Variants in HMCN1 observed in about 807,000 individuals in gnomAD.
HMCN1 encodes hemicentin-1.
A neutral mutation model predicts 625.9 loss-of-function variants in HMCN1; 321 were observed. The ratio of observed to expected loss-of-function variants is 0.51; its 90% CI spans 0.47 to 0.56. The LOEUF (loss-of-function observed/expected upper bound fraction) is 0.56. Ranked by LOEUF, HMCN1 falls within the 20% of genes least tolerant of loss-of-function variation. The pLI, the probability that HMCN1 is intolerant of heterozygous loss-of-function variation, is 0.00. For missense variants in HMCN1, 6,588 were observed against 6,887.3 expected, an observed-to-expected ratio of 0.96 and a Z score of 1.54; for synonymous variants, 2,425 against 2,417.6, an observed-to-expected ratio of 1.00 and a Z score of -0.09.
At chr1:185,958,248 A>G (rs565564987) in intron 11 of HMCN1, among the ~76,000 whole-genome samples, 2 of 152,102 alleles carry the variant, frequency 1.3e-5, no homozygotes, top group South Asian at 4.2e-4. Context: ...CCAAAGTAGT[A>G]GCTGGGACTA....
At chr1:185,886,178 A>G (rs1383801445) in intron 4 of HMCN1, among the ~76,000 whole-genome samples, 1 of 151,900 alleles carries the variant, frequency 6.6e-6, no homozygotes, top group Non-Finnish European at 1.5e-5. Flanking sequence ...CAGAGCTTCA[A>G]ATACTTATAG....
chr1:185,857,440 A>G (rs1384068844), intron 2 of HMCN1, among the ~76,000 whole-genome samples: 1 of 151,790 alleles, frequency 6.6e-6, no homozygotes, highest in East Asian at 1.9e-4. Context: ...TGCATTATAC[A>G]GTTCATCTCC....
intron 1 of HMCN1, among the ~76,000 whole-genome samples, chr1:185,822,557 TA>T (rs2102271439): frequency 6.6e-6 from 1 of 152,268 alleles, no homozygotes; most frequent in Non-Finnish European, 1.5e-5. Context: ...ACAGCTACAT[TA>T]AAGTACTTGA....
intron 11 of HMCN1, among the ~76,000 whole-genome samples, chr1:185,960,124 C>CT (rs1167408279): frequency 0.015 from 1,658 of 108,896 alleles, 26 homozygotes; most frequent in Non-Finnish European, 0.019. Context: ...CAGGAATATT[C>CT]TTTTTTTTTT....
intron 4 of HMCN1, among the ~76,000 whole-genome samples, chr1:185,907,147 T>C (rs754439772): frequency 6.6e-5 from 10 of 151,854 alleles, no homozygotes; most frequent in African/African-American, 2.4e-4. Flanking sequence ...GCATGATAGA[T>C]CATTAAGAAC....
chr1:186,019,657 G>T lies in HMCN1; in HGVS notation c.5587G>T (p.Asp1863Tyr). Residue 1863 changes from aspartate to tyrosine, a missense_variant, in exon 35 of 107, where the codon GAT (aspartate) becomes TAT (tyrosine). Around this residue, in one of 3 missense-constraint regions of HMCN1, gnomAD observed 4,628 missense variants for 4,853.1 expected, o/e 0.95. Transcript: ENST00000271588. ...IPNPSITWLK[D>Y]DQPVNTAQGN... ...AAATCCTTCCATTACATGGTTAAAA[G>T]ATGACCAGCCTGTGAACACTGCCCA... 6.2e-7 allele frequency: 1 copy of T among 1,612,406 alleles called. No homozygotes were observed. The highest frequency in any genetic ancestry group is 8.5e-7 in the Non-Finnish European group (1 of 1,178,796).
intron 86 of HMCN1, 135 bp from the exon 87 acceptor site, chr1:186,136,533 A>G: frequency 1.3e-6 from 1 of 780,498 alleles, no homozygotes; most frequent in Non-Finnish European, 2.1e-6. Context: ...ATAATCTATA[A>G]TCTTAGTTGG....
At chr1:185,775,294 T>C (rs567330072) in intron 1 of HMCN1, among the ~76,000 whole-genome samples, 1 of 152,264 alleles carries the variant, frequency 6.6e-6, no homozygotes, top group African/African-American at 2.4e-5. Flanking sequence ...TCCCAGCTAC[T>C]TGGGAGACTG....
intron 2 of HMCN1, among the ~76,000 whole-genome samples, chr1:185,847,596 C>A (rs897242689): frequency 1.3e-5 from 2 of 152,154 alleles, no homozygotes; most frequent in Admixed American, 1.3e-4. Context: ...CACTTGATCT[C>A]AATTCCTTGG....
intron 97 of HMCN1, among the ~76,000 whole-genome samples, chr1:186,164,145 C>T (rs969116300): frequency 2.6e-5 from 4 of 152,198 alleles, no homozygotes; most frequent in African/African-American, 9.7e-5. Context: ...TACCACCCCC[C>T]TGCATGAGCA....
At chr1:185,811,610 T>TA (rs905428042) in intron 1 of HMCN1, among the ~76,000 whole-genome samples, 14 of 143,514 alleles carry the variant, frequency 9.8e-5, no homozygotes, top group Non-Finnish European at 1.5e-4. Context: ...AAAATAAAAA[T>TA]AAAAAAAAAA....
intron 86 of HMCN1, among the ~76,000 whole-genome samples, chr1:186,132,860 C>T (rs2102523014): frequency 6.6e-6 from 1 of 152,068 alleles, no homozygotes; most frequent in South Asian, 2.1e-4. Flanking sequence ...TCTCATTGTT[C>T]AGTTCCCACC....
At chr1:186,122,554 G>A (rs1272521030) in intron 80 of HMCN1, among the ~76,000 whole-genome samples, 1 of 152,172 alleles carries the variant, frequency 6.6e-6, no homozygotes, top group African/African-American at 2.4e-5. Flanking sequence ...GTAAGTAAAA[G>A]TATCCAAGCA....
chr1:186,183,742 C>T (rs867141710), intron 105 of HMCN1, among the ~76,000 whole-genome samples: 29 of 152,188 alleles, frequency 1.9e-4, no homozygotes, highest in Middle Eastern at 3.4e-3. Flanking sequence ...TAGGACTTGA[C>T]CTCAGATCTA....
intron 104 of HMCN1, 49 bp downstream of exon 104, chr1:186,178,815 T>C (rs780263108): frequency 9.1e-6 from 11 of 1,207,882 alleles, no homozygotes; most frequent in Non-Finnish European, 1.4e-5. Context: ...CTCTTACTGA[T>C]CAAAGTATGT....
chr1:186,088,772 A>G lies in HMCN1; in HGVS notation c.9727+17A>G. ...CAATTCAAGGTATGTATTGTCCACT[A>G]TGATCTATCTTCAATTTCTTTGTTA... On this transcript the variant is annotated intron_variant, in intron 63 of 106. Transcript: ENST00000271588. The G allele has an allele frequency of 6.3e-7, 1 of 1,598,628 alleles. No individual in the cohort carries two copies. The highest frequency in any genetic ancestry group is 8.6e-7 in the Non-Finnish European group (1 of 1,169,328).
At chr1:185,761,327 A>G (rs958892580) in intron 1 of HMCN1, among the ~76,000 whole-genome samples, 3 of 152,062 alleles carry the variant, frequency 2.0e-5, no homozygotes, top group Admixed American at 1.3e-4. Flanking sequence ...CCCAGTGTAG[A>G]TGTGCTAAAG....
At chr1:185,985,170 C>T (rs779873090) in intron 19 of HMCN1, among the ~76,000 whole-genome samples, 4 of 152,134 alleles carry the variant, frequency 2.6e-5, no homozygotes, top group Non-Finnish European at 5.9e-5. Context: ...CAGCCTCTTC[C>T]ACCTTTCTCA....
chr1:186,034,678 G>A (rs114051177), intron 36 of HMCN1, among the ~76,000 whole-genome samples: 2,904 of 152,230 alleles, frequency 0.019, 57 homozygotes, highest in Middle Eastern at 0.027. Context: ...TGACTGAGCT[G>A]GAGAGAGGGT....
Sources: gnomAD v4.1 joint callset for allele counts (sites outside exome capture counted in the v4.1 genomes callset) on GRCh38, gnomAD v4.1.1 for gene constraint, gnomAD v4.1.1 regional missense constraint, MANE v1.5 for transcripts, NCBI Gene and HGNC (gene_info 2026-07-23, HGNC 2026-07-21) for gene names.